The following SLIT3 variants were observed in gnomAD, a reference collection of about 807,000 sequenced individuals.
SLIT3 encodes the protein slit homolog 3 protein.
In SLIT3, 68 loss-of-function variants were observed where a neutral mutation model predicts 184.0. The ratio of observed to expected loss-of-function variants is 0.37; its 90% confidence interval spans 0.30 to 0.45. The LOEUF (loss-of-function observed/expected upper bound fraction) is 0.45. SLIT3 is among the 20% of genes least tolerant of loss of function. The pLI, the probability that SLIT3 is intolerant of heterozygous loss-of-function variation, is 1.00. For synonymous variants in SLIT3, 831 were observed against 828.6 expected (o/e 1.00, Z -0.05); for missense variants, 1,707 against 2,026.0 (o/e 0.84, Z 3.02).
At chr5:169,048,521 C>A (rs1165952685) in intron 4 of SLIT3, among the ~76,000 whole-genome samples, 1 of 152,168 alleles carries the variant, frequency 6.6e-6, no homozygotes, top group Non-Finnish European at 1.5e-5. Flanking sequence ...TTTCCTTAAA[C>A]CAGCCACAAC....
In SLIT3 at chr5:168,767,373, T is replaced by C. The variant is rs77308465; in HGVS notation, c.1460-4684A>G. ...AACACAGTCTTCTGGTTACACTGGG[T>C]CTAGGATTTATCAAGGAACAAGCAA... On this transcript the variant is annotated intron_variant, in intron 14 of 35. Transcript: ENST00000519560. 7.3e-3 allele frequency among the ~76,000 whole-genome samples: 1,105 copies of C among 152,160 alleles called. 12 individuals carry two copies. The highest frequency in any genetic ancestry group is 7.5e-3 in the Non-Finnish European group (511 of 67,996).
chr5:168,709,602 G>A (rs1224070000), intron 25 of SLIT3, among the ~76,000 whole-genome samples: 1 of 152,194 alleles, frequency 6.6e-6, no homozygotes, highest in East Asian at 1.9e-4. Context: ...GCAGGAGGAG[G>A]AAAATTAAAA....
At chr5:168,904,050 A>G (rs540800599) in intron 4 of SLIT3, among the ~76,000 whole-genome samples, 12 of 152,044 alleles carry the variant, frequency 7.9e-5, no homozygotes, top group African/African-American at 2.9e-4. Flanking sequence ...TGAGGTAAAT[A>G]CCTTGTGTGA....
chr5:169,204,674 A>C (rs1246924338), intron 3 of SLIT3, among the ~76,000 whole-genome samples: 1 of 152,160 alleles, frequency 6.6e-6, no homozygotes, highest in Non-Finnish European at 1.5e-5. Flanking sequence ...GGCAGAAGTC[A>C]GGGGACGGGG....
intron 4 of SLIT3, among the ~76,000 whole-genome samples, chr5:169,046,925 C>T (rs1460379501): frequency 6.6e-6 from 1 of 152,168 alleles, no homozygotes; most frequent in Non-Finnish European, 1.5e-5. Context: ...GCCAAAAACA[C>T]CATTTGCTTT....
At chr5:169,002,977 C>G (rs1755773469) in intron 4 of SLIT3, among the ~76,000 whole-genome samples, 1 of 152,210 alleles carries the variant, frequency 6.6e-6, no homozygotes, top group South Asian at 2.1e-4. Flanking sequence ...CTGAATCTTA[C>G]TTAAAATCAT....
intron 4 of SLIT3, among the ~76,000 whole-genome samples, chr5:168,900,734 G>C (rs528837426): frequency 6.6e-6 from 1 of 152,240 alleles, no homozygotes; most frequent in African/African-American, 2.4e-5. Flanking sequence ...TGGATGATTG[G>C]GTAAAGAAAA....
At chr5:168,682,883 A>C (rs1223526378) in intron 32 of SLIT3, among the ~76,000 whole-genome samples, 1 of 152,106 alleles carries the variant, frequency 6.6e-6, no homozygotes, top group Non-Finnish European at 1.5e-5. Context: ...ACATGATTTT[A>C]GGTGTAACAC....
At chr5:168,966,617 A>G (rs972759194) in intron 4 of SLIT3, among the ~76,000 whole-genome samples, 20 of 152,176 alleles carry the variant, frequency 1.3e-4, no homozygotes, top group African/African-American at 3.9e-4. Flanking sequence ...GCCCTCACAC[A>G]TATCTTAAAT....
intron 4 of SLIT3, among the ~76,000 whole-genome samples, chr5:169,042,500 C>T (rs1196763013): frequency 6.6e-6 from 1 of 152,198 alleles, no homozygotes; most frequent in Non-Finnish European, 1.5e-5. Context: ...CCTCTGCTCT[C>T]CTAGGGTTAT....
At chr5:168,877,443 C>G (rs904826015) in intron 5 of SLIT3, among the ~76,000 whole-genome samples, 1 of 152,304 alleles carries the variant, frequency 6.6e-6, no homozygotes, top group Non-Finnish European at 1.5e-5. Flanking sequence ...AGTTCACGTA[C>G]AGCCTTGCAG....
At chr5:169,210,994 A>T (rs10066684) in intron 3 of SLIT3, among the ~76,000 whole-genome samples, 46,475 of 152,000 alleles carry the variant, frequency 0.31, 8,091 homozygotes, top group East Asian at 0.69. Flanking sequence ...AATGTGCTTG[A>T]GTGACTTGGC....
chr5:169,173,848 T>G (rs576471936), intron 4 of SLIT3, among the ~76,000 whole-genome samples: 1 of 152,278 alleles, frequency 6.6e-6, no homozygotes, highest in South Asian at 2.1e-4. Flanking sequence ...TGCTCCAGTC[T>G]CTGTATGCCT....
chr5:169,112,105 T>C (rs76997244), intron 4 of SLIT3, among the ~76,000 whole-genome samples: 1,831 of 152,330 alleles, frequency 0.012, 20 homozygotes, highest in East Asian at 0.034. Flanking sequence ...GAACGAACAG[T>C]ATTTTTGTGT....
chr5:168,848,762 C>T (rs1022155220), intron 5 of SLIT3, among the ~76,000 whole-genome samples: 1 of 152,110 alleles, frequency 6.6e-6, no homozygotes, highest in Middle Eastern at 3.4e-3. Flanking sequence ...GGAAAGCCAG[C>T]GTGAGTGAGG....
intron 1 of SLIT3, among the ~76,000 whole-genome samples, chr5:169,287,960 C>A (rs1767214429): frequency 6.6e-6 from 1 of 152,198 alleles, no homozygotes; most frequent in South Asian, 2.1e-4. Flanking sequence ...CCATCGCCTA[C>A]CCCATGCTTA....
intron 4 of SLIT3, chr5:169,037,909 T>G (rs1417471298): frequency 2.0e-5 from 3 of 152,272 alleles, no homozygotes. Flanking sequence ...TTTTCACGAC[T>G]GTGTTTACAC....
chr5:168,748,222 T>C, intron 20 of SLIT3, 80 bp downstream of exon 20: 1 of 1,394,754 alleles, frequency 7.2e-7, no homozygotes, highest in Non-Finnish European at 9.4e-7. Context: ...GTTGCCTTGC[T>C]TGAGATTCTG....
chr5:168,749,639 G>T lies in SLIT3; in HGVS notation c.1974-4C>A, dbSNP rs779562524. ...GAAGGGGTTGGACAGGAGGTTTCTA[G>T]GAAGAGAGAAGGGTGCTTAGCCTCC... On this transcript the variant is annotated splice_polypyrimidine_tract_variant and splice_region_variant and intron_variant, in intron 18 of 35. Coordinates refer to ENST00000519560, the MANE Select transcript of SLIT3 (RefSeq NM_003062.4). 1 of 1,614,102 alleles carries T rather than the reference G, an allele frequency of 6.2e-7. No homozygotes were observed. The highest frequency in any genetic ancestry group is 1.1e-5 in the South Asian group (1 of 91,084).
Sources: allele counts gnomAD v4.1 joint callset (sites outside exome capture counted in the v4.1 genomes callset), GRCh38; gene constraint gnomAD v4.1.1; transcripts MANE v1.5; gene names NCBI Gene and HGNC (gene_info 2026-07-23, HGNC 2026-07-21).